The following SPATA12 variants were observed in gnomAD, a reference collection of about 807,000 sequenced individuals.
SPATA12 encodes spermatogenesis-associated protein 12.
For synonymous variants in SPATA12, 85 were observed against 89.2 expected (o/e 0.95, Z 0.26); for missense variants, 219 against 226.4 (o/e 0.97, Z 0.21).
intron 1 of SPATA12, among the ~76,000 whole-genome samples, chr3:57,070,971 C>CAAAAAAAA (rs1231328722): frequency 6.1e-5 from 3 of 49,508 alleles, no homozygotes; most frequent in Non-Finnish European, 9.1e-5. Flanking sequence ...GACTCTGTCA[C>CAAAAAAAA]AAAAAAAAAA....
chr3:57,066,378 C>T (rs1705539268), intron 1 of SPATA12, among the ~76,000 whole-genome samples: 1 of 152,154 alleles, frequency 6.6e-6, no homozygotes, highest in African/African-American at 2.4e-5. Context: ...TCACCTGCCT[C>T]AGCCTCCCAA....
intron 1 of SPATA12, among the ~76,000 whole-genome samples, chr3:57,061,598 A>G (rs1034135042): frequency 1.3e-5 from 2 of 152,216 alleles, no homozygotes; most frequent in African/African-American, 4.8e-5. Context: ...TGCTGGGAAC[A>G]TGGGAATGCA....
At chr3:57,069,390 C>CAT (rs1381647945) in intron 1 of SPATA12, among the ~76,000 whole-genome samples, 9 of 151,736 alleles carry the variant, frequency 5.9e-5, no homozygotes, top group African/African-American at 2.2e-4. Flanking sequence ...CACACACACA[C>CAT]ACACACACAC....
In SPATA12 at chr3:57,073,850, A is replaced by G. The variant is rs764453146; in HGVS notation, c.156A>G (p.Ala52=). The stretch of plus-strand genomic sequence containing the variant: ...CCAACAAACCCCACTGTGCACTGGC[A>G]TCATGCCAGGGTCCAGGTGTCCTGC... ...QHPNKPHCAL[A]SCQGPGVLPG... Residue 52 remains alanine, a synonymous_variant, in exon 2 of 2, where the codon GCA becomes GCG. Transcript: ENST00000334325. 6.2e-6 allele frequency: 10 copies of G among 1,614,224 alleles called. No individual in the cohort carries two copies. The highest frequency in any genetic ancestry group is 8.5e-6 in the Non-Finnish European group (10 of 1,180,050).
At chr3:57,067,770 A>G (rs934125852) in intron 1 of SPATA12, among the ~76,000 whole-genome samples, 8 of 151,254 alleles carry the variant, frequency 5.3e-5, no homozygotes, top group Non-Finnish European at 1.2e-4. Context: ...TCATGAGGTC[A>G]GGAGATCGAG....
intron 1 of SPATA12, among the ~76,000 whole-genome samples, chr3:57,066,226 AACAGC>A (rs1293629950): frequency 6.6e-6 from 1 of 151,882 alleles, no homozygotes; most frequent in Non-Finnish European, 1.5e-5. Context: ...TATCTGTACC[AACAGC>A]ACACTTCCAC....
At chr3:57,064,348 G>C (rs1013656525) in intron 1 of SPATA12, among the ~76,000 whole-genome samples, 4 of 151,082 alleles carry the variant, frequency 2.6e-5, no homozygotes, top group African/African-American at 9.8e-5. Flanking sequence ...TTTGGAGACA[G>C]GGTTTCCCTC....
intron 1 of SPATA12, among the ~76,000 whole-genome samples, chr3:57,061,328 G>C (rs1465194641): frequency 6.6e-6 from 1 of 151,828 alleles, no homozygotes; most frequent in Admixed American, 6.6e-5. Context: ...AATGGGGTCT[G>C]GCCCTGTCAT....
chr3:57,066,455 G>A (rs1705542536), intron 1 of SPATA12, among the ~76,000 whole-genome samples: 1 of 152,120 alleles, frequency 6.6e-6, no homozygotes, highest in Non-Finnish European at 1.5e-5. Flanking sequence ...TAGAGACGGG[G>A]TTTCACCATG....
At chr3:57,070,742 T>C (rs117581646) in intron 1 of SPATA12, among the ~76,000 whole-genome samples, 14,463 of 152,014 alleles carry the variant, frequency 0.095, 912 homozygotes, top group East Asian at 0.35. Flanking sequence ...GAGGACTACT[T>C]GAGCCCAGGA....
rs1198996218 is a variant in SPATA12, at chr3:57,074,131, G to A, written c.437G>A (p.Arg146Lys). 6.2e-6 allele frequency: 10 copies of A among 1,613,922 alleles called. No individual in the cohort carries two copies. In the East Asian group the frequency reaches 2.0e-4, roughly 32 times the overall value. Reference sequence around the variant, plus strand: ...GAGAGGACCACAGGATGGTTGTGGAGACTGTGTGAGGATATAGATGCCGAG... The same window carrying A: ...GAGAGGACCACAGGATGGTTGTGGAAACTGTGTGAGGATATAGATGCCGAG... ...DNERTTGWLW[R>K]LCEDIDAEPS... Residue 146 changes from arginine to lysine, a missense_variant, in exon 2 of 2, where the codon AGA (arginine) becomes AAA (lysine). Transcript: ENST00000334325.
intron 1 of SPATA12, among the ~76,000 whole-genome samples, chr3:57,070,885 T>C (rs1705851079): frequency 6.6e-6 from 1 of 150,790 alleles, no homozygotes; most frequent in Non-Finnish European, 1.5e-5. Flanking sequence ...GGTGGGAGGA[T>C]TGCTTGAGCC....
intron 1 of SPATA12, among the ~76,000 whole-genome samples, chr3:57,072,893 A>T (rs1221954837): frequency 1.3e-5 from 2 of 151,972 alleles, no homozygotes; most frequent in African/African-American, 4.8e-5. Context: ...AAAAAATACA[A>T]AAATTAGCAA....
intron 1 of SPATA12, among the ~76,000 whole-genome samples, chr3:57,066,033 T>C (rs1228030859): frequency 7.4e-6 from 1 of 135,718 alleles, no homozygotes; most frequent in African/African-American, 2.9e-5. Context: ...AGACTCTGTC[T>C]CCAAAACAAA....
chr3:57,066,852 G>A (rs1209383433), intron 1 of SPATA12, among the ~76,000 whole-genome samples: 4 of 152,122 alleles, frequency 2.6e-5, no homozygotes, highest in Non-Finnish European at 5.9e-5. Context: ...GAGCCTTTGG[G>A]CTCACTGCAA....
chr3:57,074,400 A>G lies in SPATA12; in HGVS notation c.*133A>G, dbSNP rs187109724. 6 of 746,408 alleles carry G rather than the reference A, an allele frequency of 8.0e-6. No homozygotes were observed. In the East Asian group the frequency reaches 1.5e-4, roughly 19 times the overall value. 46.2% of individuals were successfully genotyped at this position (746,408 alleles called of 1,614,324 possible). A position where few individuals can be genotyped will look rare whatever the true frequency, so the allele number is the denominator to read the frequency against. ...GCCATCCCTTTCTGCATCTTCTTAGATATCACTTTTTCCAAGAAGCCTCCC... is the reference window on the plus strand; with the variant it reads ...GCCATCCCTTTCTGCATCTTCTTAGGTATCACTTTTTCCAAGAAGCCTCCC... On this transcript the variant is annotated 3_prime_UTR_variant, in exon 2 of 2. Coordinates refer to ENST00000334325, the MANE Select transcript of SPATA12 (RefSeq NM_181727.2).
chr3:57,074,329 C>A lies in SPATA12; in HGVS notation c.*62C>A. On this transcript the variant is annotated 3_prime_UTR_variant, in exon 2 of 2. Coordinates refer to ENST00000334325, the MANE Select transcript of SPATA12 (RefSeq NM_181727.2). ...CTGTTTGTCTGGGCCTTTGCACATG[C>A]TATGCCCTCCCTTCCATCCCCCACC... The A allele has an allele frequency of 1.4e-6, 2 of 1,432,864 alleles. No homozygotes were observed. The highest frequency in any genetic ancestry group is 1.9e-6 in the Non-Finnish European group (2 of 1,034,450). The allele number at this position is 1,432,864 out of a possible 1,614,324, so 88.8% of individuals were successfully genotyped here. A position where few individuals can be genotyped will look rare whatever the true frequency, so the allele number is the denominator to read the frequency against.
At chr3:57,067,729 C>T (rs1705634850) in intron 1 of SPATA12, among the ~76,000 whole-genome samples, 2 of 151,096 alleles carry the variant, frequency 1.3e-5, no homozygotes, top group Admixed American at 1.3e-4. Flanking sequence ...TGCCTGTAAT[C>T]CCAGCACTTT....
intron 1 of SPATA12, among the ~76,000 whole-genome samples, chr3:57,064,306 T>C (rs929447765): frequency 7.9e-5 from 12 of 151,692 alleles, no homozygotes; most frequent in African/African-American, 2.9e-4. Flanking sequence ...AGGAAATTCT[T>C]TCTTTTTTTT....
Sources: allele counts gnomAD v4.1 joint callset (sites outside exome capture counted in the v4.1 genomes callset), GRCh38; gene constraint gnomAD v4.1.1; transcripts MANE v1.5; gene names NCBI Gene and HGNC (gene_info 2026-07-23, HGNC 2026-07-21).